Variants in DLC1 observed in about 807,000 individuals in gnomAD.
DLC1 encodes the protein rho GTPase-activating protein 7.
In DLC1, 54 loss-of-function variants were observed where a neutral mutation model predicts 140.3. That is an observed-to-expected ratio of 0.38 (90% CI 0.31 to 0.48). DLC1 has a LOEUF of 0.48. DLC1 is among the 20% of genes least tolerant of loss of function. The pLI is 0.96. For missense variants in DLC1, 2,536 were observed against 1,907.0 expected (o/e 1.33, Z -6.14); for synonymous variants, 986 against 728.1 (o/e 1.35, Z -5.70).
chr8:13,350,597 T>G (rs1270738494), intron 4 of DLC1, among the ~76,000 whole-genome samples: 1 of 152,084 alleles, frequency 6.6e-6, no homozygotes, highest in Non-Finnish European at 1.5e-5. Context: ...CCACCTGTAA[T>G]GACAGGTACT....
intron 2 of DLC1, among the ~76,000 whole-genome samples, chr8:13,456,409 G>C (rs143263869): frequency 5.9e-5 from 9 of 152,052 alleles, no homozygotes; most frequent in African/African-American, 1.9e-4. Flanking sequence ...TGTGGGAGTT[G>C]ACAGGTAGTA....
intron 7 of DLC1, among the ~76,000 whole-genome samples, chr8:13,106,828 G>A (rs1404392024): frequency 6.6e-6 from 1 of 152,190 alleles, no homozygotes; most frequent in Non-Finnish European, 1.5e-5. Flanking sequence ...TGTGTTTATA[G>A]AAGGAGTCAT....
intron 5 of DLC1, among the ~76,000 whole-genome samples, chr8:13,289,024 G>A (rs138149020): frequency 6.6e-6 from 1 of 152,130 alleles, no homozygotes; most frequent in Non-Finnish European, 1.5e-5. Flanking sequence ...GGTGCTCTGT[G>A]TGTGACACCA....
intron 5 of DLC1, among the ~76,000 whole-genome samples, chr8:13,190,605 A>G (rs1276976086): frequency 6.6e-6 from 1 of 152,206 alleles, no homozygotes; most frequent in African/African-American, 2.4e-5. Flanking sequence ...GTAGCAAATA[A>G]TGAATTTGCA....
At chr8:13,341,948 T>G (rs1834075599) in intron 4 of DLC1, 1 of 152,220 alleles carries the variant, frequency 6.6e-6, no homozygotes, top group Non-Finnish European at 1.5e-5. Context: ...ATGCCTAAAC[T>G]GCTTTCTATT....
At chr8:13,279,124 A>C (rs996968462) in intron 5 of DLC1, among the ~76,000 whole-genome samples, 28 of 152,352 alleles carry the variant, frequency 1.8e-4, no homozygotes, top group African/African-American at 6.7e-4. Flanking sequence ...AGCCAAAATA[A>C]AATAACGAAC....
At chr8:13,490,168 T>C (rs187556330) in intron 2 of DLC1, among the ~76,000 whole-genome samples, 1 of 152,302 alleles carries the variant, frequency 6.6e-6, no homozygotes, top group Non-Finnish European at 1.5e-5. Context: ...ATTTCAATAT[T>C]TTCAAAAATC....
intron 4 of DLC1, among the ~76,000 whole-genome samples, chr8:13,355,254 G>A (rs948817214): frequency 6.6e-6 from 1 of 152,160 alleles, no homozygotes; most frequent in African/African-American, 2.4e-5. Context: ...GGGGGGCTAA[G>A]GCAGGTGGCT....
rs535678581 is a variant in DLC1, at chr8:13,260,612, G to T, written c.1348+44657C>A. Among the ~76,000 whole-genome samples, 6 of 152,236 alleles carry T rather than the reference G, an allele frequency of 3.9e-5. No individual in the cohort carries two copies. In the South Asian group the frequency reaches 1.2e-3, roughly 32 times the overall value. On this transcript the variant is annotated intron_variant, in intron 5 of 17. Transcript: ENST00000276297. ...AAATAGAGTTTAAAGGTGAGGATAGGACAAGATAGGAGGAAAGAAAAAGAA... is the reference window on the plus strand; with the variant it reads ...AAATAGAGTTTAAAGGTGAGGATAGTACAAGATAGGAGGAAAGAAAAAGAA...
intron 5 of DLC1, among the ~76,000 whole-genome samples, chr8:13,182,282 C>T (rs1323921330): frequency 6.6e-6 from 1 of 151,958 alleles, no homozygotes; most frequent in African/African-American, 2.4e-5. Flanking sequence ...CCTATTCACT[C>T]TGATTGTAGT....
At chr8:13,566,120 C>A (rs1585280843) in intron 1 of DLC1, among the ~76,000 whole-genome samples, 2 of 152,084 alleles carry the variant, frequency 1.3e-5, no homozygotes, top group Admixed American at 6.5e-5. Flanking sequence ...CTTCAGCCTT[C>A]ATAATCAGAT....
intron 1 of DLC1, among the ~76,000 whole-genome samples, chr8:13,548,320 A>G (rs904743085): frequency 6.6e-6 from 1 of 151,878 alleles, no homozygotes; most frequent in Non-Finnish European, 1.5e-5. Context: ...ACGCTCACAA[A>G]CTTGACCGAT....
intron 2 of DLC1, among the ~76,000 whole-genome samples, chr8:13,408,577 G>A (rs770049287): frequency 6.6e-5 from 10 of 152,278 alleles, no homozygotes; most frequent in South Asian, 6.2e-4. Context: ...GTGAACCGGC[G>A]GGGAGAACTG....
intron 1 of DLC1, among the ~76,000 whole-genome samples, chr8:13,576,229 A>C (rs932485361): frequency 1.3e-5 from 2 of 152,214 alleles, no homozygotes; most frequent in Non-Finnish European, 2.9e-5. Context: ...TCATTCATTA[A>C]ATCCCAAGGG....
chr8:13,402,514 A>G (rs1458459235), intron 2 of DLC1, among the ~76,000 whole-genome samples: 1 of 152,226 alleles, frequency 6.6e-6, no homozygotes, highest in Non-Finnish European at 1.5e-5. Context: ...CTACAGAGAA[A>G]TGTCGCACAT....
chr8:13,480,305 T>C (rs1411739648), intron 2 of DLC1, among the ~76,000 whole-genome samples: 2 of 152,136 alleles, frequency 1.3e-5, no homozygotes, highest in East Asian at 1.9e-4. Context: ...CAGGGAGATA[T>C]GTAAACCAGA....
At chr8:13,574,165 G>A (rs1308562003) in intron 1 of DLC1, among the ~76,000 whole-genome samples, 1 of 152,112 alleles carries the variant, frequency 6.6e-6, no homozygotes. Flanking sequence ...TTTCCTTTCA[G>A]CATGTATATA....
rs575670217 is a variant in DLC1, at chr8:13,188,280, C to T, written c.1349-72623G>A. Among the ~76,000 whole-genome samples, 16 of 151,376 alleles carry T rather than the reference C, an allele frequency of 1.1e-4. No individual in the cohort carries two copies. In the South Asian group the frequency reaches 3.3e-3, roughly 32 times the overall value. On this transcript the variant is annotated intron_variant, in intron 5 of 17. Coordinates refer to ENST00000276297, the MANE Select transcript of DLC1 (RefSeq NM_182643.3). ...TATTGTTAGTAGAGAAGGGGTTTCACCACATTGGCCAGGCTGGTCTCAGCC... is the reference window on the plus strand; with the variant it reads ...TATTGTTAGTAGAGAAGGGGTTTCATCACATTGGCCAGGCTGGTCTCAGCC...
chr8:13,519,788 C>T (rs1002324992), upstream of DLC1, among the ~76,000 whole-genome samples: 2 of 152,048 alleles, frequency 1.3e-5, no homozygotes, highest in African/African-American at 4.8e-5. Context: ...AAGAAAAAAA[C>T]AACCCCATCA....
Sources: allele counts gnomAD v4.1 joint callset (sites outside exome capture counted in the v4.1 genomes callset), GRCh38; gene constraint gnomAD v4.1.1; transcripts MANE v1.5; gene names NCBI Gene and HGNC (gene_info 2026-07-23, HGNC 2026-07-21).